Variants in CORO7 observed in about 807,000 individuals in gnomAD.
CORO7 encodes coronin-7.
Under a neutral mutation model 126.6 loss-of-function variants are expected in CORO7, and 107 were observed. That is an observed-to-expected ratio of 0.85 (90% CI 0.72 to 0.99). CORO7 has a LOEUF of 0.99. CORO7 is among the 50% of genes least tolerant of loss of function. The probability of loss-of-function intolerance (pLI) is 0.00; values close to 1 mark genes in which losing one functional copy is unlikely to be tolerated. For synonymous variants in CORO7, 603 were observed against 536.8 expected (o/e 1.12, Z -1.70); for missense variants, 1,314 against 1,255.8 (o/e 1.05, Z -0.70).
intron 6 of CORO7, among the ~76,000 whole-genome samples, chr16:4,400,967 T>C (rs1439925632): frequency 1.3e-5 from 2 of 152,126 alleles, no homozygotes; most frequent in Non-Finnish European, 2.9e-5. Context: ...AACTTAAAAC[T>C]GTTCTCGAAA....
At chr16:4,394,501 TGGGCCCGTATCCCCCA>T (rs2055512684) in intron 7 of CORO7, among the ~76,000 whole-genome samples, 1 of 148,162 alleles carries the variant, frequency 6.7e-6, no homozygotes, top group Non-Finnish European at 1.5e-5. Flanking sequence ...CAGGTAACCA[TGGGCCCGTATCCCCCA>T]GCGCCCCTCG....
At chr16:4,402,576 G>A (rs750374148) in intron 6 of CORO7, among the ~76,000 whole-genome samples, 3 of 152,160 alleles carry the variant, frequency 2.0e-5, no homozygotes, top group African/African-American at 7.2e-5. Flanking sequence ...GTGAGGATGC[G>A]GACAGCGCCA....
Position 4,395,849 on chromosome 16 carries a change from G to A in CORO7, c.565-510C>T, listed in dbSNP as rs1312502681. Among the ~76,000 whole-genome samples the A allele has an allele frequency of 3.3e-5, 5 of 152,152 alleles. No homozygotes were observed. In the East Asian group the frequency reaches 9.6e-4, roughly 29 times the overall value. On this transcript the variant is annotated intron_variant, in intron 6 of 27. Coordinates refer to ENST00000251166, the MANE Select transcript of CORO7 (RefSeq NM_024535.5). ...ACCAGGAAGACGAGCTTACACTTCC[G>A]AACCATCCATTCGGCAGTTATTGAT...
At chr16:4,368,818 T>C (rs117658699) in intron 9 of CORO7, among the ~76,000 whole-genome samples, 2,730 of 143,378 alleles carry the variant, frequency 0.019, 39 homozygotes, top group Non-Finnish European at 0.031. Flanking sequence ...AAAATAAAAA[T>C]AGAAAGAGGA....
In CORO7 at chr16:4,354,618, C is replaced by A. The variant is rs997443483; in HGVS notation, c.*540G>T. 2 of 157,286 alleles carry A rather than the reference C, an allele frequency of 1.3e-5. No individual in the cohort carries two copies. Among genetic ancestry groups the A allele is most frequent in the African/African-American group, 2.4e-5 (1 of 41,682 alleles). 9.7% of individuals were successfully genotyped at this position (157,286 alleles called of 1,614,324 possible). A position where few individuals can be genotyped will look rare whatever the true frequency, so the allele number is the denominator to read the frequency against. ...CCAGTCCCTGCGGGGCTCACACCCC[C>A]CTTATTGGACCATCAGCTCTGTGAT... On this transcript the variant is annotated 3_prime_UTR_variant, in exon 28 of 28. Transcript: ENST00000251166.
intron 1 of CORO7, 107 bp from the exon 2 acceptor site, chr16:4,413,511 G>T: frequency 1.0e-6 from 1 of 992,800 alleles, no homozygotes; most frequent in South Asian, 1.7e-5. Flanking sequence ...GCTCACAGCT[G>T]CACCATTCGA....
chr16:4,385,912 G>A (rs2055178693), intron 9 of CORO7, among the ~76,000 whole-genome samples: 2 of 152,356 alleles, frequency 1.3e-5, no homozygotes, highest in African/African-American at 4.8e-5. Flanking sequence ...CGAGGGTGGT[G>A]GAGTGGATGC....
chr16:4,392,530 C>T (rs913439398), intron 7 of CORO7, among the ~76,000 whole-genome samples: 1 of 152,190 alleles, frequency 6.6e-6, no homozygotes, highest in Non-Finnish European at 1.5e-5. Flanking sequence ...GGAGGGCGGA[C>T]TCCCTGGCCC....
At position 4,382,467 on chromosome 16, in the gene CORO7, T is replaced by C. The variant is rs80302957; in HGVS notation, c.785+5519A>G. 2,812 of 1,607,268 alleles carry C rather than the reference T, an allele frequency of 1.7e-3. 17 individuals carry two copies. In the African/African-American group the frequency reaches 0.022, roughly 12 times the overall value. On this transcript the variant is annotated intron_variant, in intron 9 of 27. Coordinates refer to ENST00000251166, the MANE Select transcript of CORO7 (RefSeq NM_024535.5). ...TCACCCAGCTGCGGCCCAACGCCAC[T>C]TACTCCGTCTGTGTCATGCCTTTGG...
At chr16:4,399,009 G>A (rs2055705193) in intron 6 of CORO7, among the ~76,000 whole-genome samples, 1 of 151,790 alleles carries the variant, frequency 6.6e-6, no homozygotes, top group African/African-American at 2.4e-5. Context: ...GTGGGTACGT[G>A]AAGTTAGAAC....
At chr16:4,357,867 G>T in intron 25 of CORO7, 101 bp downstream of exon 25, 1 of 1,514,848 alleles carries the variant, frequency 6.6e-7, no homozygotes, top group Non-Finnish European at 8.9e-7. Flanking sequence ...AAAGGCCAGA[G>T]GATTCTGCGT....
At chr16:4,384,024 C>T (rs2055100692) in intron 9 of CORO7, among the ~76,000 whole-genome samples, 2 of 152,228 alleles carry the variant, frequency 1.3e-5, no homozygotes, top group South Asian at 2.1e-4. Context: ...CTCCACTGCC[C>T]ACCATGGGCG....
chr16:4,360,573 G>A (rs1390970719), intron 19 of CORO7, 25 bp from the exon 20 acceptor site: 2 of 1,571,004 alleles, frequency 1.3e-6, no homozygotes, highest in East Asian at 2.4e-5. Flanking sequence ...GGATATGAGA[G>A]ACAGCCTTGC....
chr16:4,399,023 T>G (rs1055125753), intron 6 of CORO7, among the ~76,000 whole-genome samples: 1 of 151,458 alleles, frequency 6.6e-6, no homozygotes, highest in Non-Finnish European at 1.5e-5. Context: ...TTAGAACCCT[T>G]GCACACTGTT....
chr16:4,414,795 T>G (rs186935330), intron 1 of CORO7, among the ~76,000 whole-genome samples: 164 of 152,350 alleles, frequency 1.1e-3, no homozygotes, highest in Non-Finnish European at 1.9e-3. Flanking sequence ...CAAGCAGTAC[T>G]TAACTGCACT....
In CORO7 at chr16:4,416,440, G is replaced by C. The variant is rs578150341; in HGVS notation, c.60+19C>G. On this transcript the variant is annotated intron_variant, in intron 1 of 27. Coordinates refer to ENST00000251166, the MANE Select transcript of CORO7 (RefSeq NM_024535.5). Reference sequence around the variant, plus strand: ...ACGGGGCCCGAGGCGACAGCGCCCGGTCCTCGGGCCGGACTCACCTCGCGG... The same window carrying C: ...ACGGGGCCCGAGGCGACAGCGCCCGCTCCTCGGGCCGGACTCACCTCGCGG... 11 of 1,561,964 alleles carry C rather than the reference G, an allele frequency of 7.0e-6. No homozygotes were observed. The East Asian group carries it at 2.8e-4, about 40-fold the overall frequency.
At chr16:4,369,331 C>G (rs193292492) in intron 9 of CORO7, among the ~76,000 whole-genome samples, 187 of 152,368 alleles carry the variant, frequency 1.2e-3, no homozygotes, top group Non-Finnish European at 2.4e-3. Context: ...GAGAGCCAAG[C>G]TGGGTCTGGG....
intron 7 of CORO7, among the ~76,000 whole-genome samples, chr16:4,394,070 C>T (rs2055491928): frequency 6.6e-6 from 1 of 152,016 alleles, no homozygotes; most frequent in Admixed American, 6.6e-5. Flanking sequence ...CACTGCCCTC[C>T]AGCCTGGGTG....
At chr16:4,364,446 C>T (rs1369578617) in intron 13 of CORO7, 33 bp from the exon 14 acceptor site, 8 of 1,486,472 alleles carry the variant, frequency 5.4e-6, no homozygotes, top group Non-Finnish European at 8.9e-7. Flanking sequence ...GAGATGGGGG[C>T]ATGGGCTGCC....
Sources: allele counts gnomAD v4.1 joint callset (sites outside exome capture counted in the v4.1 genomes callset), GRCh38; gene constraint gnomAD v4.1.1; transcripts MANE v1.5; gene names NCBI Gene and HGNC (gene_info 2026-07-23, HGNC 2026-07-21).